The following SLCO6A1 variants were observed in gnomAD, a reference collection of about 807,000 sequenced individuals.
SLCO6A1 encodes the protein solute carrier organic anion transporter family member 6A1, also known as cancer/testis antigen 48.
Under a neutral mutation model 72.7 loss-of-function variants are expected in SLCO6A1, and 65 were observed. The ratio of observed to expected loss-of-function variants is 0.89; its 90% CI spans 0.73 to 1.10. The LOEUF (loss-of-function observed/expected upper bound fraction) is 1.10. Among genes scored for constraint, SLCO6A1 ranks in the 50% least tolerant of loss-of-function variants. SLCO6A1 has a pLI of 0.00. For missense variants in SLCO6A1, 874 were observed against 872.6 expected, an observed-to-expected ratio of 1.00 and a Z score of -0.02; for synonymous variants, 314 against 298.2, an observed-to-expected ratio of 1.05 and a Z score of -0.55.
At chr5:102,384,436 C>A (rs2112496364) in intron 12 of SLCO6A1, among the ~76,000 whole-genome samples, 1 of 151,868 alleles carries the variant, frequency 6.6e-6, no homozygotes, top group East Asian at 1.9e-4. Flanking sequence ...TGCTGTCTTC[C>A]TTTGTGGTTT....
chr5:102,395,632 G>T (rs895607655), intron 10 of SLCO6A1, among the ~76,000 whole-genome samples: 1 of 152,064 alleles, frequency 6.6e-6, no homozygotes, highest in Non-Finnish European at 1.5e-5. Flanking sequence ...TTCCACAATG[G>T]TTGAACTAGT....
chr5:102,475,928 C>A, intron 3 of SLCO6A1, 135 bp from the exon 4 acceptor site: 1 of 499,604 alleles, frequency 2.0e-6, no homozygotes, highest in East Asian at 3.2e-5. Flanking sequence ...TCCAGAGAAA[C>A]AAAATCAATA....
intron 12 of SLCO6A1, among the ~76,000 whole-genome samples, chr5:102,381,678 C>G (rs1456924651): frequency 6.6e-6 from 1 of 150,646 alleles, no homozygotes; most frequent in Non-Finnish European, 1.5e-5. Context: ...AATTTGCATT[C>G]CCATCAGCAG....
intron 9 of SLCO6A1, among the ~76,000 whole-genome samples, chr5:102,402,500 T>C (rs1217409173): frequency 6.6e-6 from 1 of 152,204 alleles, no homozygotes; most frequent in Non-Finnish European, 1.5e-5. Flanking sequence ...TTTGTGTTGC[T>C]ATAACAGAAT....
intron 6 of SLCO6A1, among the ~76,000 whole-genome samples, chr5:102,450,611 C>T (rs558938166): frequency 6.6e-6 from 1 of 152,338 alleles, no homozygotes; most frequent in East Asian, 1.9e-4. Flanking sequence ...CATCATAGCC[C>T]TGGGGCAAGC....
At chr5:102,387,140 T>G (rs2112505872) in intron 12 of SLCO6A1, among the ~76,000 whole-genome samples, 1 of 152,298 alleles carries the variant, frequency 6.6e-6, no homozygotes, top group East Asian at 1.9e-4. Context: ...TGCTGATGTC[T>G]TCTAATCCCT....
Position 102,423,740 on chromosome 5 carries a change from C to T in SLCO6A1, c.1277-3719G>A, listed in dbSNP as rs567393488. On this transcript the variant is annotated intron_variant, in intron 7 of 13. Coordinates refer to ENST00000506729, the MANE Select transcript of SLCO6A1 (RefSeq NM_173488.5). ...GAGATAGAAAATTAACAAGGATATTCAGGACTTGAACTCAGCTCTGGACCA... is the reference window on the plus strand; with the variant it reads ...GAGATAGAAAATTAACAAGGATATTTAGGACTTGAACTCAGCTCTGGACCA... 1.3e-4 allele frequency among the ~76,000 whole-genome samples: 20 copies of T among 152,308 alleles called. No homozygotes were observed. In the South Asian group the frequency reaches 4.1e-3, roughly 32 times the overall value.
intron 2 of SLCO6A1, among the ~76,000 whole-genome samples, chr5:102,478,276 A>ATG (rs1208253754): frequency 6.6e-6 from 1 of 152,178 alleles, no homozygotes; most frequent in Non-Finnish European, 1.5e-5. Flanking sequence ...ATATGTTTGT[A>ATG]TATATATGCA....
chr5:102,453,174 C>A (rs1750518239), intron 6 of SLCO6A1, among the ~76,000 whole-genome samples: 1 of 151,912 alleles, frequency 6.6e-6, no homozygotes, highest in Admixed American at 6.6e-5. Context: ...CCAGCCTGGG[C>A]AACATAGTGA....
At chr5:102,422,827 A>T (rs1436390882) in intron 7 of SLCO6A1, among the ~76,000 whole-genome samples, 1 of 152,190 alleles carries the variant, frequency 6.6e-6, no homozygotes, top group Non-Finnish European at 1.5e-5. Context: ...TAATCATCAG[A>T]TTAATCAAGG....
At chr5:102,497,562 T>C (rs976078757) in intron 1 of SLCO6A1, among the ~76,000 whole-genome samples, 2 of 152,208 alleles carry the variant, frequency 1.3e-5, no homozygotes, top group African/African-American at 4.8e-5. Flanking sequence ...GGCACCCAAG[T>C]TCGTGCCAGC....
intron 9 of SLCO6A1, among the ~76,000 whole-genome samples, chr5:102,412,028 T>A (rs1359910967): frequency 6.6e-6 from 1 of 152,096 alleles, no homozygotes; most frequent in African/African-American, 2.4e-5. Flanking sequence ...TCCACAATCT[T>A]TTTTCTTAAC....
intron 6 of SLCO6A1, among the ~76,000 whole-genome samples, chr5:102,451,651 A>C (rs1433191110): frequency 6.6e-6 from 1 of 152,128 alleles, no homozygotes; most frequent in African/African-American, 2.4e-5. Flanking sequence ...GCTCTCACTC[A>C]CTTGCTGTTT....
chr5:102,379,306 T>C (rs777428841), intron 12 of SLCO6A1, among the ~76,000 whole-genome samples: 4 of 152,156 alleles, frequency 2.6e-5, no homozygotes, highest in Non-Finnish European at 5.9e-5. Context: ...CTGATTTATT[T>C]TCTAGGTAGT....
chr5:102,423,847 T>G (rs374768158), intron 7 of SLCO6A1, among the ~76,000 whole-genome samples: 1 of 152,184 alleles, frequency 6.6e-6, no homozygotes. Context: ...ACAGCATTTA[T>G]TCTAAAATTG....
intron 12 of SLCO6A1, among the ~76,000 whole-genome samples, chr5:102,384,836 G>A (rs1746317732): frequency 6.6e-6 from 1 of 152,020 alleles, no homozygotes; most frequent in Non-Finnish European, 1.5e-5. Context: ...TTTTCATGTG[G>A]TTAGTTAGCA....
At chr5:102,486,736 C>T (rs549464933) in intron 1 of SLCO6A1, among the ~76,000 whole-genome samples, 1 of 152,234 alleles carries the variant, frequency 6.6e-6, no homozygotes. Context: ...ATTTCTGCTT[C>T]ACTGCTTTCC....
chr5:102,379,373 A>G (rs1745987619), intron 12 of SLCO6A1, among the ~76,000 whole-genome samples: 1 of 151,918 alleles, frequency 6.6e-6, no homozygotes, highest in Non-Finnish European at 1.5e-5. Context: ...ATATTCTCCC[A>G]TTTTTCTCAA....
rs577762757 is a variant in SLCO6A1 at position 102,412,233 on chromosome 5, C to T, written c.1626+757G>A. On this transcript the variant is annotated intron_variant, in intron 9 of 13. Transcript: ENST00000506729. ...CAATGTATTTCTCAAATGTATTTGACTGATGTCTCATGCCTCCCTAAAATG... is the reference window on the plus strand; with the variant it reads ...CAATGTATTTCTCAAATGTATTTGATTGATGTCTCATGCCTCCCTAAAATG... 1.8e-3 allele frequency among the ~76,000 whole-genome samples: 269 copies of T among 151,666 alleles called. 1 individual carries two copies. The highest frequency in any genetic ancestry group is 1.6e-3 in the Non-Finnish European group (112 of 67,916).
Sources: allele counts gnomAD v4.1 joint callset (sites outside exome capture counted in the v4.1 genomes callset), GRCh38; gene constraint gnomAD v4.1.1; transcripts MANE v1.5; gene names NCBI Gene and HGNC (gene_info 2026-07-23, HGNC 2026-07-21).